Variants in CSMD1 observed in about 807,000 individuals in gnomAD.
The protein encoded by CSMD1 is CUB and sushi domain-containing protein 1.
Under a neutral mutation model 417.5 loss-of-function variants are expected in CSMD1, and 213 were observed. The ratio of observed to expected loss-of-function variants is 0.51; its 90% CI spans 0.46 to 0.57. The LOEUF (loss-of-function observed/expected upper bound fraction) is 0.57. Among genes scored for constraint, CSMD1 ranks in the 20% least tolerant of loss-of-function variants. The pLI, the probability that CSMD1 is intolerant of heterozygous loss-of-function variation, is 0.00. For synonymous variants in CSMD1, 2,862 were observed against 1,736.8 expected (o/e 1.65, Z -16.11); for missense variants, 6,923 against 4,529.7 (o/e 1.53, Z -15.17).
intron 26 of CSMD1, among the ~76,000 whole-genome samples, chr8:3,236,217 C>T (rs1156231542): frequency 1.3e-5 from 2 of 151,652 alleles, no homozygotes; most frequent in Non-Finnish European, 2.9e-5. Flanking sequence ...CGCGCCTCGC[C>T]GAAAATGTGA....
chr8:4,084,280 A>T (rs1406112755), intron 3 of CSMD1, among the ~76,000 whole-genome samples: 1 of 151,944 alleles, frequency 6.6e-6, no homozygotes, highest in Non-Finnish European at 1.5e-5. Flanking sequence ...AAATTGGAAA[A>T]ATCTTTCAAC....
intron 1 of CSMD1, among the ~76,000 whole-genome samples, chr8:4,757,959 CAAAAAAAAAAAA>C (rs35869578): frequency 2.8e-5 from 2 of 72,058 alleles, no homozygotes; most frequent in African/African-American, 5.7e-5. Context: ...GACTTTGTCT[CAAAAAAAAAAAA>C]AAAAAAAAAG....
intron 5 of CSMD1, among the ~76,000 whole-genome samples, chr8:3,861,304 T>A (rs948521998): frequency 6.6e-6 from 1 of 152,290 alleles, no homozygotes; most frequent in Non-Finnish European, 1.5e-5. Flanking sequence ...TTGTCCTACA[T>A]GAATATTTTA....
chr8:4,950,470 AATAGG>A (rs1808667635), intron 1 of CSMD1, among the ~76,000 whole-genome samples: 1 of 152,208 alleles, frequency 6.6e-6, no homozygotes, highest in South Asian at 2.1e-4. Context: ...ACACCTGCAA[AATAGG>A]ATAAGAAATA....
intron 9 of CSMD1, among the ~76,000 whole-genome samples, chr8:3,576,076 A>G (rs1648302389): frequency 6.6e-6 from 1 of 151,992 alleles, no homozygotes; most frequent in Non-Finnish European, 1.5e-5. Context: ...CCCATCCTCT[A>G]TTTTTTCATT....
chr8:4,166,335 C>A (rs993185704), intron 3 of CSMD1, among the ~76,000 whole-genome samples: 1 of 152,010 alleles, frequency 6.6e-6, no homozygotes, highest in Non-Finnish European at 1.5e-5. Context: ...CTATAAAAGA[C>A]CATACGTATT....
chr8:4,136,425 G>C (rs1435742938), intron 3 of CSMD1, among the ~76,000 whole-genome samples: 1 of 152,076 alleles, frequency 6.6e-6, no homozygotes. Flanking sequence ...CATAAAACTG[G>C]TTCTCAGCAA....
At chr8:4,489,067 C>A (rs568853460) in intron 2 of CSMD1, among the ~76,000 whole-genome samples, 2 of 152,252 alleles carry the variant, frequency 1.3e-5, no homozygotes, top group South Asian at 4.1e-4. Flanking sequence ...CGTGCCACCA[C>A]ACACAGCTAA....
intron 26 of CSMD1, among the ~76,000 whole-genome samples, chr8:3,271,657 A>C (rs1486957604): frequency 6.6e-6 from 1 of 152,130 alleles, no homozygotes; most frequent in South Asian, 2.1e-4. Flanking sequence ...TGTGGTTTTC[A>C]ATTTGCATTT....
chr8:3,112,806 A>T (rs574816080), intron 42 of CSMD1, among the ~76,000 whole-genome samples: 10 of 152,340 alleles, frequency 6.6e-5, no homozygotes, highest in African/African-American at 2.4e-4. Flanking sequence ...ATCACATAAG[A>T]TAACAATATT....
chr8:3,416,789 T>C (rs1342283144), intron 12 of CSMD1, among the ~76,000 whole-genome samples: 3 of 152,222 alleles, frequency 2.0e-5, no homozygotes, highest in African/African-American at 4.8e-5. Flanking sequence ...GTGTGTTCTT[T>C]GTTCTCTGTG....
rs1366009626 is a variant in CSMD1, at chr8:4,236,177, C to T, written c.415+183776G>A. Among the ~76,000 whole-genome samples, 3 of 151,712 alleles carry T rather than the reference C, an allele frequency of 2.0e-5. No individual in the cohort carries two copies. The East Asian group carries it at 5.8e-4, about 29-fold the overall frequency. On this transcript the variant is annotated intron_variant, in intron 3 of 69. Transcript: ENST00000635120. ...AGGTCTTCGATCAGGAACTGAAATG[C>T]CACGGACAACACATGATGTACGTCT...
At chr8:4,176,036 C>G (rs915317816) in intron 3 of CSMD1, among the ~76,000 whole-genome samples, 4 of 152,056 alleles carry the variant, frequency 2.6e-5, no homozygotes, top group Non-Finnish European at 5.9e-5. Flanking sequence ...TTCAGGGTTC[C>G]CAAGAAGCAG....
At chr8:4,088,816 G>A (rs1800563385) in intron 3 of CSMD1, among the ~76,000 whole-genome samples, 1 of 151,952 alleles carries the variant, frequency 6.6e-6, no homozygotes, top group Non-Finnish European at 1.5e-5. Flanking sequence ...CTCAGCATGT[G>A]GACTCATCCC....
chr8:4,830,746 T>C (rs974034109), intron 1 of CSMD1, among the ~76,000 whole-genome samples: 6 of 152,302 alleles, frequency 3.9e-5, no homozygotes, highest in Admixed American at 6.5e-5. Context: ...ATTGGAACCA[T>C]TGGACTTTAA....
At chr8:4,446,572 A>C (rs994629900) in intron 2 of CSMD1, among the ~76,000 whole-genome samples, 1 of 151,892 alleles carries the variant, frequency 6.6e-6, no homozygotes, top group African/African-American at 2.4e-5. Flanking sequence ...TGTTGTGGGG[A>C]AGATGGAGTC....
rs585000 is a variant in CSMD1, at chr8:2,938,755, C to T, written c.10536-11G>A. The T allele has an allele frequency of 0.83, 1,326,371 of 1,592,088 alleles. 554,229 individuals carry two copies. The highest frequency in any genetic ancestry group is 0.91 in the East Asian group (40,549 of 44,328). On this transcript the variant is annotated splice_polypyrimidine_tract_variant and intron_variant, in intron 69 of 69. Coordinates refer to ENST00000635120, the MANE Select transcript of CSMD1 (RefSeq NM_033225.6). ...ACTTTTGGTCTCGTTCTAAGGAAAA[C>T]AGAAAACAAATCATTAGAATCCTGG...
At chr8:4,416,450 A>C (rs960800960) in intron 3 of CSMD1, among the ~76,000 whole-genome samples, 3 of 152,098 alleles carry the variant, frequency 2.0e-5, no homozygotes, top group Non-Finnish European at 4.4e-5. Flanking sequence ...ATTTGAAATT[A>C]TATTCATAAT....
intron 1 of CSMD1, among the ~76,000 whole-genome samples, chr8:4,722,382 C>T (rs1340498759): frequency 6.6e-6 from 1 of 152,100 alleles, no homozygotes; most frequent in Non-Finnish European, 1.5e-5. Context: ...CTAAATATGG[C>T]TACTTCTCCC....
Sources: allele counts gnomAD v4.1 joint callset (sites outside exome capture counted in the v4.1 genomes callset), GRCh38; gene constraint gnomAD v4.1.1; transcripts MANE v1.5; gene names NCBI Gene and HGNC (gene_info 2026-07-23, HGNC 2026-07-21).